Variants in GTF3C1 observed in about 807,000 individuals in gnomAD.
GTF3C1 encodes general transcription factor IIIC subunit 1.
Under a neutral mutation model 226.7 loss-of-function variants are expected in GTF3C1, and 57 were observed. That is an observed-to-expected ratio of 0.25 (90% confidence interval 0.20 to 0.31). The LOEUF (loss-of-function observed/expected upper bound fraction) is 0.31, where lower values mean the gene tolerates loss of function less well. Among genes scored for constraint, GTF3C1 ranks in the 10% least tolerant of loss-of-function variants. The probability of loss-of-function intolerance (pLI) is 1.00; values close to 1 mark genes in which losing one functional copy is unlikely to be tolerated. For missense variants in GTF3C1, 2,217 were observed against 2,776.1 expected (o/e 0.80, Z 4.53); for synonymous variants, 1,090 against 1,084.8 (o/e 1.00, Z -0.09).
chr16:27,530,916 C>G (rs1246893615), intron 5 of GTF3C1, among the ~76,000 whole-genome samples: 5 of 152,204 alleles, frequency 3.3e-5, no homozygotes, highest in Non-Finnish European at 7.3e-5. Context: ...CTTCAGTCAC[C>G]TCTACATCCC....
At position 27,488,330 on chromosome 16, in the gene GTF3C1, T is replaced by G; in HGVS notation, c.3597A>C (p.Arg1199=). Residue 1199 remains arginine, a synonymous_variant, in exon 23 of 37, where the codon CGA becomes CGC. Transcript: ENST00000356183. ...TCCGGTTTCGGTCCAGCGAGGGCTC[T>G]CGGTCCACCTCAAACTGCTCTTCCC... is the stretch of plus-strand genomic sequence containing the variant. ...AGWEEQFEVD[R]EPSLDRNRRV... 6.2e-7 allele frequency: 1 copy of G among 1,614,102 alleles called. No homozygotes were observed. The highest frequency in any genetic ancestry group is 1.3e-5 in the African/African-American group (1 of 75,060).
intron 27 of GTF3C1, among the ~76,000 whole-genome samples, chr16:27,479,438 A>ATT (rs777381559): frequency 1.5e-4 from 23 of 152,222 alleles, no homozygotes; most frequent in Non-Finnish European, 2.6e-4. Context: ...TTTGTAGGAC[A>ATT]TTTCTTCGGT....
chr16:27,481,378 A>C lies in GTF3C1; in HGVS notation c.4084-187T>G, dbSNP rs1176911800. ...ATCTGAGAAGCTCGGTCTGTAGAGG[A>C]GGCAAAAGACCCTCACCACTACGCT... is the stretch of plus-strand genomic sequence containing the variant. On this transcript the variant is annotated intron_variant, in intron 26 of 36. Transcript: ENST00000356183. Among the ~76,000 whole-genome samples, 4 of 152,042 alleles carry C rather than the reference A, an allele frequency of 2.6e-5. No individual in the cohort carries two copies. In the East Asian group the frequency reaches 7.8e-4, roughly 29 times the overall value.
rs774060509 is a variant in GTF3C1 at position 27,489,707 on chromosome 16, C to G, written c.3188G>C (p.Ser1063Thr). 4 of 1,612,186 alleles carry G rather than the reference C, an allele frequency of 2.5e-6. No individual in the cohort carries two copies. The highest frequency in any genetic ancestry group is 2.2e-5 in the South Asian group (2 of 90,842). Residue 1063 changes from serine (S) to threonine (T), a missense_variant, in exon 20 of 37, where the codon AGC (serine) becomes ACC (threonine). Coordinates refer to ENST00000356183, the MANE Select transcript of GTF3C1 (RefSeq NM_001520.4). Reference protein sequence around the residue: ...VRCPRVRKNSSTDQGSDEEGS... With the variant: ...VRCPRVRKNSTTDQGSDEEGS... ...CTCCTCGTCGCTGCCCTGGTCTGTG[C>G]TGCTGTTCTTCCTGACGCGCGGGCA...
chr16:27,494,745 G>A lies in GTF3C1; in HGVS notation c.2778+18C>T. ...GCTGAGGGGCAATTCCTGTGATAAT[G>A]GCTCCTGTCACCAATACCTTGTAGC... is the stretch of plus-strand genomic sequence containing the variant. On this transcript the variant is annotated intron_variant, in intron 16 of 36. Coordinates refer to ENST00000356183, the MANE Select transcript of GTF3C1 (RefSeq NM_001520.4). 2 of 1,598,248 alleles carry A rather than the reference G, an allele frequency of 1.3e-6. No homozygotes were observed. Among genetic ancestry groups the A allele is most frequent in the Non-Finnish European group, 1.7e-6 (2 of 1,165,460 alleles).
chr16:27,486,228 G>T (rs2088136659), intron 23 of GTF3C1, 74 bp from the exon 24 acceptor site: 1 of 801,916 alleles, frequency 1.2e-6, no homozygotes, highest in Non-Finnish European at 2.1e-6. Context: ...AGAGGGGCAG[G>T]TTCCCTACCC....
rs78601908 is a variant in GTF3C1 at position 27,470,472 on chromosome 16, G to A, written c.4527-77C>T. The A allele has an allele frequency of 1.6e-3, 1,795 of 1,157,930 alleles. 27 individuals carry two copies. In the African/African-American group the frequency reaches 0.024, roughly 15 times the overall value. 71.7% of individuals were successfully genotyped at this position (1,157,930 alleles called of 1,614,324 possible). A position where few individuals can be genotyped will look rare whatever the true frequency, so the allele number is the denominator to read the frequency against. ...CTTCATTTGGATGGACTATGAGCAC[G>A]TCAAACCATTATGGTGAGAACTAAG... On this transcript the variant is annotated intron_variant, in intron 30 of 36. Coordinates refer to ENST00000356183, the MANE Select transcript of GTF3C1 (RefSeq NM_001520.4). This position sits in a 1 kb window ranked among gnomAD's most constrained non-coding sequence, Gnocchi z 4.9.
At chr16:27,464,289 G>A (rs2087748827) in intron 34 of GTF3C1, 31 bp downstream of exon 34, 1 of 1,388,930 alleles carries the variant, frequency 7.2e-7, no homozygotes, top group Non-Finnish European at 9.5e-7. Context: ...AGGGTGGGGT[G>A]AGGTGGGGTG....
intron 29 of GTF3C1, among the ~76,000 whole-genome samples, chr16:27,475,014 G>A (rs926613786): frequency 6.6e-6 from 1 of 152,224 alleles, no homozygotes; most frequent in South Asian, 2.1e-4. Context: ...CTAGGGCCAG[G>A]GTGCTGCTCT....
intron 4 of GTF3C1, among the ~76,000 whole-genome samples, chr16:27,533,619 A>G (rs959148060): frequency 8.5e-5 from 13 of 152,342 alleles, no homozygotes; most frequent in South Asian, 2.1e-4. Context: ...GAGGCAATGT[A>G]TAGACTAGAC....
chr16:27,540,208 C>A (rs1464390171), intron 2 of GTF3C1, among the ~76,000 whole-genome samples: 2 of 152,212 alleles, frequency 1.3e-5, no homozygotes, highest in African/African-American at 4.8e-5. Context: ...CATCTTTCTT[C>A]ACATTGTTTG....
intron 5 of GTF3C1, among the ~76,000 whole-genome samples, chr16:27,529,258 C>T (rs953564557): frequency 6.6e-6 from 1 of 152,088 alleles, no homozygotes; most frequent in African/African-American, 2.4e-5. Flanking sequence ...GCCTGGCCAA[C>T]ATGGCGAAAC....
intron 24 of GTF3C1, 64 bp downstream of exon 24, chr16:27,485,933 G>T: frequency 8.9e-7 from 1 of 1,125,500 alleles, no homozygotes. Context: ...GTCCCCGGAA[G>T]GCTCAGACAG....
intron 6 of GTF3C1, among the ~76,000 whole-genome samples, chr16:27,516,853 G>A (rs1362136055): frequency 6.6e-6 from 1 of 152,168 alleles, no homozygotes; most frequent in East Asian, 1.9e-4. Context: ...GGCTGGTCTA[G>A]AACTTCTGGC....
At chr16:27,484,742 T>C (rs966012269) in intron 24 of GTF3C1, among the ~76,000 whole-genome samples, 3 of 152,248 alleles carry the variant, frequency 2.0e-5, no homozygotes, top group African/African-American at 4.8e-5. Flanking sequence ...AAACGTTCTG[T>C]ATGTTGTGCT....
intron 6 of GTF3C1, among the ~76,000 whole-genome samples, chr16:27,519,405 G>C (rs572996934): frequency 5.6e-4 from 85 of 152,322 alleles, no homozygotes; most frequent in African/African-American, 1.9e-3. Context: ...GGCTTGGAGG[G>C]AGGGAGGCCT....
At chr16:27,482,177 T>C (rs1175482708) in intron 26 of GTF3C1, among the ~76,000 whole-genome samples, 1 of 152,180 alleles carries the variant, frequency 6.6e-6, no homozygotes, top group Admixed American at 6.5e-5. Flanking sequence ...TTGTGAGGAC[T>C]TGAGCTCTCA....
At chr16:27,472,233 G>C (rs1367062148) in intron 29 of GTF3C1, among the ~76,000 whole-genome samples, 4 of 152,208 alleles carry the variant, frequency 2.6e-5, no homozygotes, top group Admixed American at 1.3e-4. Context: ...TGCAGACAGA[G>C]GGAATCAACA....
In GTF3C1 at chr16:27,549,707, C is replaced by G. The variant is rs1465432656; in HGVS notation, c.184G>C (p.Glu62Gln). The G allele has an allele frequency of 6.2e-7, 1 of 1,606,844 alleles. No homozygotes were observed. The highest frequency in any genetic ancestry group is 8.5e-7 in the Non-Finnish European group (1 of 1,178,078). Residue 62 changes from glutamate (E) to glutamine (Q), a missense_variant, in exon 1 of 37, where the codon GAG becomes CAG. Physicochemically the swap from Glu to Gln is conservative, Grantham distance 29. Coordinates refer to ENST00000356183, the MANE Select transcript of GTF3C1 (RefSeq NM_001520.4). ...TGTAGGTCGGGTCGCTCCCGAGGCT[C>G]CTCATAGAAGCTGATGCCCGGGTGC... ...ATHPGISFYE[E>Q]PRERPDLQLQ... is the part of the protein sequence containing the mutation.
Sources: gnomAD v4.1 joint callset for allele counts (sites outside exome capture counted in the v4.1 genomes callset) on GRCh38, gnomAD v4.1.1 for gene constraint, Gnocchi (gnomAD v3.1) non-coding constraint, MANE v1.5 for transcripts, NCBI Gene and HGNC (gene_info 2026-07-23, HGNC 2026-07-21) for gene names.